The following ENDOV variants were observed in gnomAD, a reference collection of about 807,000 sequenced individuals.
ENDOV encodes endonuclease V, also known as hEndoV.
ENDOV carries 37 observed loss-of-function variants against 39.4 expected under a neutral mutation model. The ratio of observed to expected loss-of-function variants is 0.94; its 90% CI spans 0.72 to 1.23. ENDOV has a LOEUF of 1.23. Ranked by LOEUF, ENDOV falls within the 50% of genes most tolerant of loss-of-function variation. The pLI is 0.00. For missense variants in ENDOV, 441 were observed against 375.7 expected (o/e 1.17, Z -1.44); for synonymous variants, 186 against 163.4 (o/e 1.14, Z -1.05).
At chr17:80,419,359 A>G in intron 2 of ENDOV, 2 of 518,684 alleles carry the variant, frequency 3.9e-6, no homozygotes, top group South Asian at 5.7e-5. Flanking sequence ...CATCCCTGAC[A>G]AACGATGGCG....
In ENDOV at chr17:80,432,520, C is replaced by T. The variant is rs534482037; in HGVS notation, c.838+2689C>T. On this transcript the variant is annotated intron_variant, in intron 9 of 9. Transcript: ENST00000518137. ...GGCAGTAACACCAACCGAGCACAGC[C>T]GTTGTCCTGGGGCATGCCGTCCAGG... Among the ~76,000 whole-genome samples the T allele has an allele frequency of 1.1e-4, 16 of 152,162 alleles. No homozygotes were observed. The East Asian group carries it at 2.1e-3, about 20-fold the overall frequency.
intron 1 of ENDOV, 156 bp downstream of exon 1, chr17:80,415,406 C>G (rs1568197915): frequency 9.2e-7 from 1 of 1,081,380 alleles, no homozygotes; most frequent in Non-Finnish European, 1.3e-6. Flanking sequence ...GCGGAGGGAT[C>G]TCAGGAATTG....
chr17:80,425,134 C>G, intron 6 of ENDOV, 34 bp downstream of exon 6: 1 of 1,573,354 alleles, frequency 6.4e-7, no homozygotes, highest in Non-Finnish European at 8.7e-7. Flanking sequence ...CCTCCAAAGC[C>G]CCGGGGTAGG....
intron 5 of ENDOV, among the ~76,000 whole-genome samples, chr17:80,424,824 A>G (rs988368137): frequency 1.6e-4 from 24 of 152,124 alleles, no homozygotes; most frequent in Non-Finnish European, 2.9e-5. Flanking sequence ...GCGTGGTGGC[A>G]CATGCCTGTA....
At position 80,425,036 on chromosome 17, in the gene ENDOV, G is replaced by T; in HGVS notation, c.521G>T (p.Arg174Leu). The T allele has an allele frequency of 6.2e-7, 1 of 1,612,058 alleles. No homozygotes were observed. Among genetic ancestry groups the T allele is most frequent in the Non-Finnish European group, 8.5e-7 (1 of 1,179,190 alleles). Reference sequence around the variant, plus strand: ...ATTTTTCCCTCCATTTTCCAGATCCGACTCCTGCAGACTCGAGGAGACTCA... The same window carrying T: ...ATTTTTCCCTCCATTTTCCAGATCCTACTCCTGCAGACTCGAGGAGACTCA... ...ENNALHKEKI[R>L]LLQTRGDSFP... is the part of the protein sequence containing the mutation. Residue 174 changes from arginine (R) to leucine (L), a missense_variant, in exon 6 of 10, where the codon CGA (arginine) becomes CTA (leucine). Transcript: ENST00000518137.
In ENDOV at chr17:80,425,537, G is replaced by A. The variant is rs369225866; in HGVS notation, c.631G>A (p.Val211Met). Reference protein sequence around the residue: ...DRSTRPLYISVGHRMSLEAAV... With the variant: ...DRSTRPLYISMGHRMSLEAAV... The stretch of plus-strand genomic sequence containing the variant: ...CAGCACCAGGCCCCTCTACATCTCC[G>A]TGGGCCACAGGATGAGCCTGGAGGC... Residue 211 changes from valine (V) to methionine (M), a missense_variant, in exon 7 of 10, where the codon GTG becomes ATG. By Grantham distance (21) the Val-to-Met change is conservative. Transcript: ENST00000518137. 84 of 1,595,698 alleles carry A rather than the reference G, an allele frequency of 5.3e-5. No individual in the cohort carries two copies. The South Asian group carries it at 6.7e-4, about 13-fold the overall frequency.
chr17:80,426,492 TA>T (rs2082701105), intron 7 of ENDOV, among the ~76,000 whole-genome samples: 1 of 151,738 alleles, frequency 6.6e-6, no homozygotes, highest in Non-Finnish European at 1.5e-5. Flanking sequence ...AAAAAAAACG[TA>T]AAAACAAATT....
At chr17:80,422,822 C>T (rs1049523882) in intron 4 of ENDOV, among the ~76,000 whole-genome samples, 1 of 152,202 alleles carries the variant, frequency 6.6e-6, no homozygotes, top group African/African-American at 2.4e-5. Flanking sequence ...GCCTCAGCCT[C>T]CTGAGTAGCT....
intron 2 of ENDOV, 113 bp downstream of exon 2, chr17:80,415,934 G>A (rs2081077236): frequency 3.0e-6 from 4 of 1,345,580 alleles, no homozygotes; most frequent in Non-Finnish European, 4.0e-6. Flanking sequence ...TTTGTAGGAT[G>A]TCATTAATAG....
At position 80,415,546 on chromosome 17, in the gene ENDOV, G is replaced by A. The variant is rs906890164; in HGVS notation, c.57-104G>A. ...ATGTCCCTTGCTTTCCCTTGAAGCG[G>A]GAGAAGACCCGGCAGAGGCGCTCTG... On this transcript the variant is annotated intron_variant, in intron 1 of 9. Coordinates refer to ENST00000518137, the MANE Select transcript of ENDOV (RefSeq NM_173627.5). 4 of 1,398,586 alleles carry A rather than the reference G, an allele frequency of 2.9e-6. No individual in the cohort carries two copies. In the Admixed American group the frequency reaches 9.2e-5, roughly 32 times the overall value. The allele number at this position is 1,398,586 out of a possible 1,614,324, so 86.6% of individuals were successfully genotyped here. A position where few individuals can be genotyped will look rare whatever the true frequency, so the allele number is the denominator to read the frequency against.
intron 2 of ENDOV, among the ~76,000 whole-genome samples, chr17:80,416,726 T>TCCTC (rs2081252656): frequency 7.5e-6 from 1 of 133,226 alleles, no homozygotes; most frequent in African/African-American, 2.8e-5. Context: ...CTTCCTTCCT[T>TCCTC]CCTTCCTCCC....
Position 80,436,554 on chromosome 17 carries a change from G to T in ENDOV, c.*411G>T, listed in dbSNP as rs555177246. 9.4e-6 allele frequency: 3 copies of T among 318,856 alleles called. No homozygotes were observed. The highest frequency in any genetic ancestry group is 1.7e-5 in the Non-Finnish European group (3 of 173,802). 19.8% of individuals were successfully genotyped at this position (318,856 alleles called of 1,614,324 possible). ...ATCCTGTGTTCTTCTGTGAATATGA[G>T]GTGTTACATTGATTGATTTTCATAT... is the stretch of plus-strand genomic sequence containing the variant. On this transcript the variant is annotated 3_prime_UTR_variant, in exon 10 of 10. Transcript: ENST00000518137.
chr17:80,430,326 C>T, intron 9 of ENDOV: 1 of 1,522,808 alleles, frequency 6.6e-7, no homozygotes, highest in Non-Finnish European at 8.8e-7. Context: ...ATAGATGGAA[C>T]TTGCTTGCTC....
chr17:80,419,509 T>C (rs1407638805), intron 2 of ENDOV: 7 of 688,508 alleles, frequency 1.0e-5, no homozygotes, highest in Admixed American at 4.0e-5. Flanking sequence ...TGTTGTGTGC[T>C]GGACGCTGAG....
rs2083605130 is a variant in ENDOV, at chr17:80,436,650, G to C, written c.*507G>C. On this transcript the variant is annotated 3_prime_UTR_variant, in exon 10 of 10. Coordinates refer to ENST00000518137, the MANE Select transcript of ENDOV (RefSeq NM_173627.5). ...TGTATAATCCATTTACTCTGCTGCT[G>C]AATGTGATTTGCTTGTATTTTGGTG... The C allele has an allele frequency of 5.0e-6, 1 of 198,094 alleles. No individual in the cohort carries two copies. Among genetic ancestry groups the C allele is most frequent in the Non-Finnish European group, 1.0e-5 (1 of 97,346 alleles). The allele number at this position is 198,094 out of a possible 1,614,324, so 12.3% of individuals were successfully genotyped here. A position where few individuals can be genotyped will look rare whatever the true frequency, so the allele number is the denominator to read the frequency against.
intron 9 of ENDOV, among the ~76,000 whole-genome samples, chr17:80,434,209 T>C (rs1599480403): frequency 6.6e-6 from 1 of 152,206 alleles, no homozygotes; most frequent in East Asian, 1.9e-4. Flanking sequence ...CACCGTGTAG[T>C]CTTTTCTGTC....
chr17:80,422,722 C>T (rs1226190075), intron 4 of ENDOV, among the ~76,000 whole-genome samples: 5 of 150,314 alleles, frequency 3.3e-5, no homozygotes, highest in African/African-American at 4.9e-5. Context: ...TTTTTTGAGA[C>T]GGAGTCTCGC....
chr17:80,422,151 T>C, intron 3 of ENDOV, 55 bp from the exon 4 acceptor site: 1 of 1,608,444 alleles, frequency 6.2e-7, no homozygotes, highest in Non-Finnish European at 8.5e-7. Flanking sequence ...GATGGCCCTG[T>C]CCTGAGGGCC....
At chr17:80,434,062 C>T (rs1036577201) in intron 9 of ENDOV, among the ~76,000 whole-genome samples, 5 of 152,222 alleles carry the variant, frequency 3.3e-5, no homozygotes, top group African/African-American at 9.7e-5. Context: ...AGTCACTCCC[C>T]GTTCTCCCTT....
Sources: allele counts gnomAD v4.1 joint callset (sites outside exome capture counted in the v4.1 genomes callset), GRCh38; gene constraint gnomAD v4.1.1; transcripts MANE v1.5; gene names NCBI Gene and HGNC (gene_info 2026-07-23, HGNC 2026-07-21).